PCDH15: variants seen among roughly 807,000 people sequenced by gnomAD.
The protein encoded by PCDH15 is protocadherin related 15, also known as protocadherin-15.
In PCDH15, 129 loss-of-function variants were observed where a neutral mutation model predicts 178.5. The observed-to-expected ratio is 0.72, with a 90% CI of 0.63 to 0.84. PCDH15 has a LOEUF of 0.84. Ranked by LOEUF, PCDH15 falls within the 40% of genes least tolerant of loss-of-function variation. PCDH15 has a pLI of 0.00. For missense variants in PCDH15, 2,230 were observed against 2,099.9 expected, an observed-to-expected ratio of 1.06 and a Z score of -1.21; for synonymous variants, 800 against 732.0, an observed-to-expected ratio of 1.09 and a Z score of -1.50.
chr10:54,844,667 C>T (rs909532536), intron 3 of PCDH15, among the ~76,000 whole-genome samples: 1 of 151,874 alleles, frequency 6.6e-6, no homozygotes, highest in African/African-American at 2.4e-5. Context: ...TATGTATCCA[C>T]ATGCAGCAGT....
At chr10:55,464,230 C>T (rs951555034) in intron 2 of PCDH15, among the ~76,000 whole-genome samples, 12 of 151,876 alleles carry the variant, frequency 7.9e-5, no homozygotes, top group African/African-American at 2.9e-4. Flanking sequence ...AACGTCAGAA[C>T]AATGATCAGA....
chr10:55,314,314 C>A (rs1462414931), intron 1 of PCDH15, among the ~76,000 whole-genome samples: 1 of 151,158 alleles, frequency 6.6e-6, no homozygotes, highest in Non-Finnish European at 1.5e-5. Context: ...TATACATTTT[C>A]TCTAATGTTG....
chr10:55,384,390 G>T (rs1457425371), intron 2 of PCDH15, among the ~76,000 whole-genome samples: 1 of 152,030 alleles, frequency 6.6e-6, no homozygotes, highest in Non-Finnish European at 1.5e-5. Context: ...AATTTCAAAG[G>T]AAGGCAATTA....
intron 3 of PCDH15, among the ~76,000 whole-genome samples, chr10:54,491,802 A>C (rs1225739132): frequency 6.6e-6 from 1 of 152,124 alleles, no homozygotes; most frequent in Non-Finnish European, 1.5e-5. Context: ...GGTCTTTGCT[A>C]TCCCTTTTAG....
chr10:54,003,175 C>T (rs955585618), intron 20 of PCDH15, among the ~76,000 whole-genome samples: 1 of 152,064 alleles, frequency 6.6e-6, no homozygotes, highest in African/African-American at 2.4e-5. Context: ...CTAAACAAAA[C>T]AACCTAATGA....
At chr10:54,593,489 A>G (rs1002057799) in intron 2 of PCDH15, among the ~76,000 whole-genome samples, 23 of 152,240 alleles carry the variant, frequency 1.5e-4, no homozygotes, top group African/African-American at 5.3e-4. Context: ...CTCTAAGTGC[A>G]TGGATTTATT....
intron 3 of PCDH15, among the ~76,000 whole-genome samples, chr10:54,397,025 A>G (rs1239367438): frequency 6.6e-6 from 1 of 152,050 alleles, no homozygotes; most frequent in Non-Finnish European, 1.5e-5. Flanking sequence ...TTTCTCAACC[A>G]TTGTTTCTGA....
At chr10:55,583,662 G>A (rs1842667670) in intron 2 of PCDH15, among the ~76,000 whole-genome samples, 1 of 152,004 alleles carries the variant, frequency 6.6e-6, no homozygotes, top group Admixed American at 6.6e-5. Context: ...TCAAACTCCT[G>A]ACCTCAGGTG....
At chr10:54,627,454 A>T (rs1283861777) in intron 2 of PCDH15, among the ~76,000 whole-genome samples, 1 of 152,116 alleles carries the variant, frequency 6.6e-6, no homozygotes, top group Non-Finnish European at 1.5e-5. Context: ...TGGTTTTAAA[A>T]ATGGAAGTTT....
At chr10:54,215,763 C>A (rs918869192) in intron 9 of PCDH15, among the ~76,000 whole-genome samples, 1 of 151,994 alleles carries the variant, frequency 6.6e-6, no homozygotes, top group South Asian at 2.1e-4. Context: ...TCGAGACGGC[C>A]GGGCGCGGTG....
At chr10:54,655,256 A>AAGAAAGAG (rs1189030773) in intron 2 of PCDH15, among the ~76,000 whole-genome samples, 11 of 48,910 alleles carry the variant, frequency 2.2e-4, no homozygotes, top group Non-Finnish European at 3.8e-4. Context: ...GAAAGAAAGA[A>AAGAAAGAG]AGAGAGAGAG....
At chr10:55,054,605 C>G (rs1443104863) in intron 2 of PCDH15, among the ~76,000 whole-genome samples, 1 of 152,184 alleles carries the variant, frequency 6.6e-6, no homozygotes, top group Non-Finnish European at 1.5e-5. Context: ...AATCTCCACA[C>G]TATTTTCTGC....
intron 1 of PCDH15, among the ~76,000 whole-genome samples, chr10:54,783,497 T>G (rs533439036): frequency 6.6e-6 from 1 of 152,208 alleles, no homozygotes; most frequent in South Asian, 2.1e-4. Flanking sequence ...GTGAGACATA[T>G]GGAACATCAT....
At chr10:55,341,791 ATATATATATATATATTTTTTTTTT>A (rs1316145751) in intron 2 of PCDH15, among the ~76,000 whole-genome samples, 4 of 13,466 alleles carry the variant, frequency 3.0e-4, no homozygotes, top group African/African-American at 1.2e-3. Flanking sequence ...ATATATATAT[ATATATATATATATATTTTTTTTTT>A]TTTTTTTTTT....
intron 1 of PCDH15, among the ~76,000 whole-genome samples, chr10:55,213,953 T>C (rs1840634339): frequency 6.6e-6 from 1 of 151,924 alleles, no homozygotes. Context: ...TGCATGCATT[T>C]TGATATGTGA....
At chr10:54,384,748 TC>T (rs1949718175) in intron 3 of PCDH15, among the ~76,000 whole-genome samples, 1 of 152,126 alleles carries the variant, frequency 6.6e-6, no homozygotes, top group African/African-American at 2.4e-5. Context: ...TTTTCAGTCT[TC>T]CTACGGTTAT....
chr10:53,982,306 A>C (rs751067711), intron 21 of PCDH15, among the ~76,000 whole-genome samples: 3 of 152,104 alleles, frequency 2.0e-5, no homozygotes, highest in South Asian at 2.1e-4. Context: ...TTGACCCAGC[A>C]ATCTCATTAC....
intron 1 of PCDH15, among the ~76,000 whole-genome samples, chr10:54,761,940 C>T (rs1947930364): frequency 6.6e-6 from 1 of 151,952 alleles, no homozygotes; most frequent in Non-Finnish European, 1.5e-5. Flanking sequence ...AATAGAATGA[C>T]AACAAGTGAT....
intron 28 of PCDH15, among the ~76,000 whole-genome samples, chr10:53,856,013 A>T (rs1388591340): frequency 2.7e-5 from 4 of 150,310 alleles, no homozygotes; most frequent in Non-Finnish European, 5.9e-5. Flanking sequence ...ACTCTAAGTG[A>T]AGTAACTCAG....
Sources: allele counts gnomAD v4.1 joint callset (sites outside exome capture counted in the v4.1 genomes callset), GRCh38; gene constraint gnomAD v4.1.1; transcripts MANE v1.5; gene names NCBI Gene and HGNC (gene_info 2026-07-23, HGNC 2026-07-21).